CD247: variants seen among roughly 807,000 people sequenced by gnomAD.
CD247 encodes the protein CD247 molecule.
In CD247, 13 loss-of-function variants were observed where a neutral mutation model predicts 30.0. That is an observed-to-expected ratio of 0.43 (90% CI 0.28 to 0.69). The LOEUF (loss-of-function observed/expected upper bound fraction) is 0.69. Ranked by LOEUF, CD247 falls within the 30% of genes least tolerant of loss-of-function variation. The pLI is 0.16. For missense variants in CD247, 193 were observed against 212.6 expected (o/e 0.91, Z 0.57); for synonymous variants, 72 against 80.0 (o/e 0.90, Z 0.53).
At chr1:167,449,071 A>G (rs1036076291) in intron 1 of CD247, among the ~76,000 whole-genome samples, 1 of 152,010 alleles carries the variant, frequency 6.6e-6, no homozygotes, top group African/African-American at 2.4e-5. Context: ...CTTTATGAGC[A>G]AATGTTTCTC....
chr1:167,467,152 A>G (rs1220460149), intron 1 of CD247, among the ~76,000 whole-genome samples: 1 of 152,200 alleles, frequency 6.6e-6, no homozygotes, highest in Non-Finnish European at 1.5e-5. Context: ...TATCCTTTTC[A>G]GTCCCAGACC....
At chr1:167,434,367 A>C in intron 5 of CD247, 1 of 486,446 alleles carries the variant, frequency 2.1e-6, no homozygotes, top group Non-Finnish European at 3.8e-6. Flanking sequence ...GTTCTAGACA[A>C]AGACACGGAG....
chr1:167,494,531 G>A lies in CD247; in HGVS notation c.58+23877C>T, dbSNP rs34251940. 9.5e-4 allele frequency among the ~76,000 whole-genome samples: 144 copies of A among 152,286 alleles called. No homozygotes were observed. The highest frequency in any genetic ancestry group is 1.8e-3 in the Non-Finnish European group (124 of 68,010). ...CTCACCCTGTCGACCTCATGGGGCT[G>A]CTGTGAGGGTCAGATGAGAAAATGG... is the stretch of plus-strand genomic sequence containing the variant. On this transcript the variant is annotated intron_variant, in intron 1 of 7. Transcript: ENST00000362089. The surrounding 1 kb of genome is among the most constrained non-coding windows in gnomAD (Gnocchi z 7.3).
At chr1:167,441,519 C>T (rs1476746845) in intron 1 of CD247, among the ~76,000 whole-genome samples, 1 of 152,246 alleles carries the variant, frequency 6.6e-6, no homozygotes, top group African/African-American at 2.4e-5. Context: ...CCAGGACACG[C>T]CTTGCTCTTC....
intron 1 of CD247, among the ~76,000 whole-genome samples, chr1:167,480,825 T>C (rs1171801523): frequency 1.3e-5 from 2 of 152,262 alleles, no homozygotes; most frequent in Non-Finnish European, 2.9e-5. Context: ...ATTTAATTCA[T>C]GACAAGCTAC....
Position 167,431,237 on chromosome 1 carries a change from G to A in CD247, c.*444C>T, listed in dbSNP as rs1442846440. On this transcript the variant is annotated 3_prime_UTR_variant, in exon 8 of 8. Transcript: ENST00000362089. ...CCCAGTACAGTTACCTTGAAAGGAG[G>A]TGAAGGTGACAACAGAAGCCAAATT... 9.8e-6 allele frequency: 5 copies of A among 508,008 alleles called. No individual in the cohort carries two copies. Among genetic ancestry groups the A allele is most frequent in the African/African-American group, 7.6e-5 (4 of 52,676 alleles). The allele number at this position is 508,008 out of a possible 1,614,324, so 31.5% of individuals were successfully genotyped here. A position where few individuals can be genotyped will look rare whatever the true frequency, so the allele number is the denominator to read the frequency against.
At chr1:167,494,000 C>T (rs372507032) in intron 1 of CD247, among the ~76,000 whole-genome samples, 69 of 152,194 alleles carry the variant, frequency 4.5e-4, no homozygotes, top group Admixed American at 3.0e-3. Flanking sequence ...GTGCAGCCTC[C>T]GGGACCCAGG....
intron 1 of CD247, among the ~76,000 whole-genome samples, chr1:167,464,439 A>G (rs1247937238): frequency 6.6e-6 from 1 of 152,136 alleles, no homozygotes; most frequent in Non-Finnish European, 1.5e-5. Context: ...GTTTAGTTCC[A>G]GTTCTGAACA....
At chr1:167,518,270 C>A in intron 1 of CD247, 138 bp downstream of exon 1, 1 of 803,420 alleles carries the variant, frequency 1.2e-6, no homozygotes, top group South Asian at 1.4e-5. Context: ...CCTCACTGCT[C>A]ACTTGCCCAT....
intron 1 of CD247, among the ~76,000 whole-genome samples, chr1:167,464,088 C>T (rs547812405): frequency 6.6e-6 from 1 of 152,146 alleles, no homozygotes; most frequent in East Asian, 1.9e-4. Flanking sequence ...TGTTTGATTG[C>T]GCTAGTTTTA....
intron 2 of CD247, chr1:167,440,005 T>C (rs1237634917): frequency 6.1e-6 from 1 of 163,808 alleles, no homozygotes; most frequent in East Asian, 1.8e-4. Context: ...ATCTAGAGCA[T>C]TGGAAACAAC....
At chr1:167,454,728 C>A (rs1222490480) in intron 1 of CD247, among the ~76,000 whole-genome samples, 1 of 152,206 alleles carries the variant, frequency 6.6e-6, no homozygotes, top group African/African-American at 2.4e-5. Context: ...GAGATGAAAG[C>A]GCTTTTCCGA....
chr1:167,466,161 GGATTTGAGTTGC>G (rs1168461709), intron 1 of CD247, among the ~76,000 whole-genome samples: 27 of 152,130 alleles, frequency 1.8e-4, no homozygotes, highest in Admixed American at 6.5e-4. Context: ...ACTTTATCAG[GGATTTGAGTTGC>G]AACTTTGGAG....
At chr1:167,443,735 CCTTCCTT>C (rs1393980425) in intron 1 of CD247, among the ~76,000 whole-genome samples, 1 of 152,190 alleles carries the variant, frequency 6.6e-6, no homozygotes, top group Non-Finnish European at 1.5e-5. Context: ...TTCCTTCCCT[CCTTCCTT>C]CTTCCTTTCT....
chr1:167,475,323 C>G (rs1365645536), intron 1 of CD247, among the ~76,000 whole-genome samples: 3 of 152,130 alleles, frequency 2.0e-5, no homozygotes, highest in African/African-American at 7.2e-5. Context: ...AGTCCCCTCT[C>G]CCCTGGATTA....
rs1444432022 is a variant in CD247, at chr1:167,431,461, G to T, written c.*220C>A. The T allele has an allele frequency of 1.6e-6, 1 of 621,162 alleles. No homozygotes were observed. Among genetic ancestry groups the T allele is most frequent in the Non-Finnish European group, 2.9e-6 (1 of 345,930 alleles). 38.5% of individuals were successfully genotyped at this position (621,162 alleles called of 1,614,324 possible). A position where few individuals can be genotyped will look rare whatever the true frequency, so the allele number is the denominator to read the frequency against. On this transcript the variant is annotated 3_prime_UTR_variant, in exon 8 of 8. Coordinates refer to ENST00000362089, the MANE Select transcript of CD247 (RefSeq NM_198053.3). ...ACCACCGGCAAACCAGAGGGCCCAA[G>T]GCCAGGGCCGTAAGCCCTGGGAGTA...
In CD247 at chr1:167,430,827, A is replaced by T; in HGVS notation, c.*854T>A. On this transcript the variant is annotated 3_prime_UTR_variant, in exon 8 of 8. Coordinates refer to ENST00000362089, the MANE Select transcript of CD247 (RefSeq NM_198053.3). ...TCCTGCCACTGTCCGCTGGGCAGTT[A>T]TAGGTCCCATGTGTTGGGTCTTCCT... 1 of 398,770 alleles carries T rather than the reference A, an allele frequency of 2.5e-6. No individual in the cohort carries two copies. Among genetic ancestry groups the T allele is most frequent in the Non-Finnish European group, 4.4e-6 (1 of 226,148 alleles). 24.7% of individuals were successfully genotyped at this position (398,770 alleles called of 1,614,324 possible).
chr1:167,510,337 A>C (rs938803028), intron 1 of CD247, among the ~76,000 whole-genome samples: 2 of 152,188 alleles, frequency 1.3e-5, no homozygotes, highest in Non-Finnish European at 1.5e-5. Context: ...ACAGCACCAC[A>C]TGCGCCAGCA....
chr1:167,462,194 A>C (rs930092864), intron 1 of CD247, among the ~76,000 whole-genome samples: 5 of 152,106 alleles, frequency 3.3e-5, no homozygotes, highest in Admixed American at 3.3e-4. Context: ...TCCTCATCCC[A>C]CTCAGGGTTT....
Sources: gnomAD v4.1 joint callset for allele counts (sites outside exome capture counted in the v4.1 genomes callset) on GRCh38, gnomAD v4.1.1 for gene constraint, Gnocchi (gnomAD v3.1) non-coding constraint, MANE v1.5 for transcripts, NCBI Gene and HGNC (gene_info 2026-07-23, HGNC 2026-07-21) for gene names.